Variants in SLC45A2 observed in about 807,000 individuals in gnomAD.
The protein encoded by SLC45A2 is solute carrier family 45 member 2.
SLC45A2 carries 36 observed loss-of-function variants against 45.5 expected under a neutral mutation model. The observed-to-expected ratio is 0.79, with a 90% confidence interval of 0.61 to 1.04. The LOEUF (loss-of-function observed/expected upper bound fraction) is 1.04, where lower values mean the gene tolerates loss of function less well. Ranked by LOEUF, SLC45A2 falls within the 50% of genes least tolerant of loss-of-function variation. The pLI is 0.00. For synonymous variants in SLC45A2, 306 were observed against 269.3 expected (o/e 1.14, Z -1.33); for missense variants, 719 against 671.0 (o/e 1.07, Z -0.79).
rs767301626 is a variant in SLC45A2 at position 33,944,739 on chromosome 5, G to T, written c.1502C>A (p.Ala501Asp). The change falls in exon 7 of 7, where the codon GCC (alanine) becomes GAC (aspartate). Residue 501 changes from alanine (A) to aspartate (D), a missense_variant. By Grantham distance (126) the Ala-to-Asp change is moderately radical. Coordinates refer to ENST00000296589, the MANE Select transcript of SLC45A2 (RefSeq NM_016180.5). Reference protein sequence around the residue: ...GGGLGFLVNTAGTVVVVVITA... With the variant: ...GGGLGFLVNTDGTVVVVVITA... ...GATCACCACGACGACAACGGTCCCG[G>T]CTGTGTTGACCAGAAAGCCCAGGCC... 1.5e-5 allele frequency: 24 copies of T among 1,614,080 alleles called. No individual in the cohort carries two copies. Among genetic ancestry groups the T allele is most frequent in the Non-Finnish European group, 1.9e-5 (23 of 1,180,044 alleles).
chr5:33,979,738 G>C (rs1199034002), intron 2 of SLC45A2, among the ~76,000 whole-genome samples: 1 of 152,156 alleles, frequency 6.6e-6, no homozygotes, highest in African/African-American at 2.4e-5. Context: ...GAATTCCAAA[G>C]GGACAGAGGT....
intron 2 of SLC45A2, chr5:33,970,953 A>T: frequency 2.2e-6 from 1 of 462,928 alleles, no homozygotes; most frequent in Non-Finnish European, 4.3e-6. Context: ...GAGCTAAGGG[A>T]ACAATTCAAA....
chr5:33,954,500 C>A lies in SLC45A2; in HGVS notation c.893G>T (p.Arg298Leu), dbSNP rs374649089. The change falls in exon 4 of 7, where the codon CGC (arginine) becomes CTC (leucine). Residue 298 changes from arginine to leucine, a missense_variant. By Grantham distance (102) the Arg-to-Leu change is moderately radical. Coordinates refer to ENST00000296589, the MANE Select transcript of SLC45A2 (RefSeq NM_016180.5). The part of the protein sequence containing the change: ...AKNKNHAEQT[R>L]RAMTLKSLLR... ...CAGTGACTTTAATGTCATTGCCCTGCGAGTCTGAAATAAAACATGAAACAG... is the reference window on the plus strand; with the variant it reads ...CAGTGACTTTAATGTCATTGCCCTGAGAGTCTGAAATAAAACATGAAACAG... The A allele has an allele frequency of 5.6e-6, 9 of 1,613,606 alleles. No homozygotes were observed. The African/African-American group carries it at 8.0e-5, about 14-fold the overall frequency.
chr5:33,946,882 C>T, intron 6 of SLC45A2: 1 of 1,387,316 alleles, frequency 7.2e-7, no homozygotes. Flanking sequence ...TTCTCAGCCT[C>T]ACCAAGCCTT....
chr5:33,946,457 T>C lies in SLC45A2; in HGVS notation c.1368+706A>G, dbSNP rs373046281. 10 of 985,678 alleles carry C rather than the reference T, an allele frequency of 1.0e-5. No individual in the cohort carries two copies. The East Asian group carries it at 5.7e-4, about 56-fold the overall frequency. 61.1% of individuals were successfully genotyped at this position (985,678 alleles called of 1,614,324 possible). On this transcript the variant is annotated intron_variant, in intron 6 of 6. Coordinates refer to ENST00000296589, the MANE Select transcript of SLC45A2 (RefSeq NM_016180.5). ...TGCTCCAGTTAAGGAACTATAAGCC[T>C]ATTTTCACAGGAAGAAAGTTGCAAA...
At chr5:33,984,135 C>G in intron 1 of SLC45A2, 64 bp downstream of exon 1, 1 of 1,604,082 alleles carries the variant, frequency 6.2e-7, no homozygotes. Context: ...TGAACATCCT[C>G]CTCCTGCAGA....
Position 33,963,909 on chromosome 5 carries a change from A to G in SLC45A2, c.670T>C (p.Leu224=), listed in dbSNP as rs1248459818. The G allele has an allele frequency of 2.5e-6, 4 of 1,614,194 alleles. No individual in the cohort carries two copies. The East Asian group carries it at 8.9e-5, about 36-fold the overall frequency. ...ACAGTAAAACACAAAGTGAGCACCA[A>G]TGCAGAGAAGAAGAACATGACCTGG... The part of the protein sequence containing the change: ...EFQVMFFFSA[L]VLTLCFTVHL... The change falls in exon 3 of 7, where the codon TTG becomes CTG. Residue 224 remains leucine, a synonymous_variant. Coordinates refer to ENST00000296589, the MANE Select transcript of SLC45A2 (RefSeq NM_016180.5).
intron 3 of SLC45A2, among the ~76,000 whole-genome samples, chr5:33,961,431 CTT>C (rs1282964222): frequency 6.6e-6 from 1 of 152,102 alleles, no homozygotes; most frequent in Non-Finnish European, 1.5e-5. Context: ...TATGGTACCA[CTT>C]ATACTTTCTA....
At chr5:33,969,811 G>A (rs1286159385) in intron 2 of SLC45A2, among the ~76,000 whole-genome samples, 1 of 152,174 alleles carries the variant, frequency 6.6e-6, no homozygotes, top group African/African-American at 2.4e-5. Context: ...GGATCCAAGA[G>A]CAAGAAGATA....
At chr5:33,946,752 A>T (rs1159023106) in intron 6 of SLC45A2, 5 of 1,092,902 alleles carry the variant, frequency 4.6e-6, no homozygotes, top group Non-Finnish European at 4.5e-6. Context: ...AAAGTTGGGG[A>T]TAGGGAGACC....
chr5:33,980,040 T>C (rs902072421), intron 2 of SLC45A2, among the ~76,000 whole-genome samples: 2 of 152,218 alleles, frequency 1.3e-5, no homozygotes, highest in Admixed American at 6.5e-5. Context: ...CAATAAACTC[T>C]TAATATCGAG....
Position 33,984,661 on chromosome 5 carries a change from G to C in SLC45A2, c.-78C>G. On this transcript the variant is annotated 5_prime_UTR_variant, in exon 1 of 7. Transcript: ENST00000296589. ...AGGGTCTGTGTTTCAAACTGGATTT[G>C]ACGTGGAGCCTGGCCGAGCAACCAA... The C allele has an allele frequency of 6.3e-7, 1 of 1,589,540 alleles. No individual in the cohort carries two copies. Among genetic ancestry groups the C allele is most frequent in the South Asian group, 1.1e-5 (1 of 90,426 alleles).
intron 5 of SLC45A2, among the ~76,000 whole-genome samples, chr5:33,948,340 T>C (rs1751999071): frequency 6.6e-6 from 1 of 152,230 alleles, no homozygotes; most frequent in African/African-American, 2.4e-5. Context: ...AAGGAAAATC[T>C]CTAAATTGTT....
At chr5:33,948,511 C>T (rs1251773796) in intron 5 of SLC45A2, among the ~76,000 whole-genome samples, 3 of 152,302 alleles carry the variant, frequency 2.0e-5, no homozygotes, top group East Asian at 1.9e-4. Context: ...ATTGGACTTA[C>T]ACCTTGTAGA....
chr5:33,945,883 T>G, intron 6 of SLC45A2: 2 of 850,242 alleles, frequency 2.4e-6, no homozygotes, highest in Non-Finnish European at 2.8e-6. Context: ...TTGCTTGGTT[T>G]TTATTTAAAA....
intron 2 of SLC45A2, among the ~76,000 whole-genome samples, chr5:33,980,872 T>C (rs1753055271): frequency 6.6e-6 from 1 of 152,156 alleles, no homozygotes; most frequent in Non-Finnish European, 1.5e-5. Context: ...TGATGAGAGA[T>C]ATCTGATGAG....
rs1245048578 is a variant in SLC45A2 at position 33,984,566 on chromosome 5, C to T, written c.18G>A (p.Gly6=). The change falls in exon 1 of 7, where the codon GGG becomes GGA. Residue 6 remains glycine (G), a synonymous_variant. Coordinates refer to ENST00000296589, the MANE Select transcript of SLC45A2 (RefSeq NM_016180.5). MGSNS[G]QAGRHIYKSL... The stretch of plus-strand genomic sequence containing the variant: ...ATTTATAGATGTGGCGGCCAGCCTG[C>T]CCACTGTTGCTACCCATGGCCACTG... 6 of 1,610,440 alleles carry T rather than the reference C, an allele frequency of 3.7e-6. No individual in the cohort carries two copies. The highest frequency in any genetic ancestry group is 4.2e-6 in the Non-Finnish European group (5 of 1,180,016).
intron 3 of SLC45A2, among the ~76,000 whole-genome samples, chr5:33,962,460 C>G (rs1345995600): frequency 6.6e-6 from 1 of 152,210 alleles, no homozygotes; most frequent in Non-Finnish European, 1.5e-5. Context: ...GTTGACCTCA[C>G]AGGAAGGTGA....
chr5:33,952,362 A>AT (rs111372186), intron 4 of SLC45A2, among the ~76,000 whole-genome samples: 2,410 of 142,572 alleles, frequency 0.017, 50 homozygotes, highest in African/African-American at 0.053. Flanking sequence ...TATTTGTTGT[A>AT]TTTTTTTTTT....
Sources: gnomAD v4.1 joint callset for allele counts (sites outside exome capture counted in the v4.1 genomes callset) on GRCh38, gnomAD v4.1.1 for gene constraint, MANE v1.5 for transcripts, NCBI Gene and HGNC (gene_info 2026-07-23, HGNC 2026-07-21) for gene names.